EFHD1: variants seen among roughly 807,000 people sequenced by gnomAD.
The protein encoded by EFHD1 is EF-hand domain family member D1.
In EFHD1, 10 loss-of-function variants were observed where a neutral mutation model predicts 17.2. The ratio of observed to expected loss-of-function variants is 0.58; its 90% CI spans 0.36 to 0.99. The LOEUF is 0.99. Among genes scored for constraint, EFHD1 ranks in the 50% least tolerant of loss-of-function variants. The pLI is 0.01. For missense variants in EFHD1, 310 were observed against 327.5 expected (o/e 0.95, Z 0.41); for synonymous variants, 153 against 142.0 (o/e 1.08, Z -0.55).
intron 2 of EFHD1, among the ~76,000 whole-genome samples, chr2:232,665,022 C>T (rs1465896849): frequency 1.3e-5 from 2 of 152,100 alleles, no homozygotes; most frequent in Non-Finnish European, 2.9e-5. Flanking sequence ...AGTGATCCCC[C>T]AACCTCAGCC....
rs1694244932 is a variant in EFHD1, at chr2:232,633,622, G to A, written c.-83G>A. 4.5e-6 allele frequency: 6 copies of A among 1,342,468 alleles called. No homozygotes were observed. In the South Asian group the frequency reaches 5.7e-5, roughly 13 times the overall value. The allele number at this position is 1,342,468 out of a possible 1,614,324, so 83.2% of individuals were successfully genotyped here. A position where few individuals can be genotyped will look rare whatever the true frequency, so the allele number is the denominator to read the frequency against. ...CCTCGGCGGAGTGTTGTAGAGCCTC[G>A]AGCCTGCGAGGAGCGCGCCGCCCGC... On this transcript the variant is annotated 5_prime_UTR_variant, in exon 1 of 4. Transcript: ENST00000264059.
chr2:232,661,346 C>G (rs1324069573), intron 1 of EFHD1, among the ~76,000 whole-genome samples: 1 of 152,080 alleles, frequency 6.6e-6, no homozygotes, highest in East Asian at 1.9e-4. Context: ...AACCAATCAT[C>G]CACTTTCTGT....
chr2:232,673,907 C>CTT (rs11409819), intron 3 of EFHD1, among the ~76,000 whole-genome samples: 136 of 119,948 alleles, frequency 1.1e-3, no homozygotes, highest in East Asian at 3.5e-3. Flanking sequence ...AAGACTTCTT[C>CTT]TTTTTTTTTT....
intron 1 of EFHD1, among the ~76,000 whole-genome samples, chr2:232,642,623 C>T (rs367704624): frequency 8.5e-5 from 13 of 152,214 alleles, no homozygotes; most frequent in African/African-American, 3.1e-4. Flanking sequence ...AATCTTATGA[C>T]TTAAGGAAAA....
intron 1 of EFHD1, among the ~76,000 whole-genome samples, chr2:232,659,320 TAGA>T (rs1179943995): frequency 6.6e-6 from 1 of 150,430 alleles, no homozygotes; most frequent in African/African-American, 2.4e-5. Flanking sequence ...GAAATAAAAA[TAGA>T]AGCACCCACC....
chr2:232,669,155 G>T (rs886973807), intron 2 of EFHD1, among the ~76,000 whole-genome samples: 2 of 152,128 alleles, frequency 1.3e-5, no homozygotes, highest in African/African-American at 4.8e-5. Context: ...TTCCACCCCT[G>T]TGTCACCATC....
rs149495334 is a variant in EFHD1 at position 232,653,705 on chromosome 2, G to A, written c.303-9097G>A. Among the ~76,000 whole-genome samples, 966 of 152,282 alleles carry A rather than the reference G, an allele frequency of 6.3e-3. 12 individuals are homozygous for A. Among genetic ancestry groups the A allele is most frequent in the African/African-American group, 0.022 (929 of 41,554 alleles). On this transcript the variant is annotated intron_variant, in intron 1 of 3. Coordinates refer to ENST00000264059, the MANE Select transcript of EFHD1 (RefSeq NM_025202.4). Reference sequence around the variant, plus strand: ...CAGCTGGGATTGAAGGGGGTGGTTGGCTCAGGATTCCTTTCTCTCCTGCCC... The same window carrying A: ...CAGCTGGGATTGAAGGGGGTGGTTGACTCAGGATTCCTTTCTCTCCTGCCC...
chr2:232,662,926 G>C lies in EFHD1; in HGVS notation c.427G>C (p.Asp143His). The C allele has an allele frequency of 6.3e-7, 1 of 1,590,672 alleles. No homozygotes were observed. Among genetic ancestry groups the C allele is most frequent in the Non-Finnish European group, 8.5e-7 (1 of 1,171,252 alleles). The stretch of plus-strand genomic sequence containing the variant: ...GATCAAGGAGGTGGATGAGGACTTC[G>C]ATGGCAAGCTCAGCTTCCGGGAGGT... ...SMIKEVDEDF[D>H]GKLSFREFLL... is the part of the protein sequence containing the mutation. Residue 143 changes from aspartate (D) to histidine (H), a missense_variant, in exon 2 of 4, where the codon GAT becomes CAT. Coordinates refer to ENST00000264059, the MANE Select transcript of EFHD1 (RefSeq NM_025202.4).
intron 1 of EFHD1, among the ~76,000 whole-genome samples, chr2:232,606,868 C>T (rs1016321583): frequency 8.0e-5 from 12 of 149,748 alleles, no homozygotes; most frequent in Non-Finnish European, 1.3e-4. Flanking sequence ...CCAGCCTGGG[C>T]GACAGAGCGA....
At chr2:232,654,090 C>G (rs1398961017) in intron 1 of EFHD1, among the ~76,000 whole-genome samples, 1 of 151,676 alleles carries the variant, frequency 6.6e-6, no homozygotes, top group Non-Finnish European at 1.5e-5. Context: ...ACCTGTAATC[C>G]CAGCTACTCG....
exon 1 of EFHD1, chr2:232,606,070 G>T (rs1438601236): frequency 2.8e-6 from 4 of 1,432,674 alleles, no homozygotes; most frequent in Non-Finnish European, 3.8e-6. Flanking sequence ...AAGTGCAGGC[G>T]GATACCCCGG....
At chr2:232,639,635 A>G (rs1465451329) in intron 1 of EFHD1, among the ~76,000 whole-genome samples, 1 of 152,136 alleles carries the variant, frequency 6.6e-6, no homozygotes, top group African/African-American at 2.4e-5. Flanking sequence ...GCATGGGGCT[A>G]TGTTCTGCAT....
At position 232,633,809 on chromosome 2, in the gene EFHD1, G is replaced by A. The variant is rs13033733; in HGVS notation, c.105G>A (p.Glu35=). 1 of 1,471,730 alleles carries A rather than the reference G, an allele frequency of 6.8e-7. No homozygotes were observed. The highest frequency in any genetic ancestry group is 2.4e-5 in the Admixed American group (1 of 40,996). The allele number at this position is 1,471,730 out of a possible 1,614,324, so 91.2% of individuals were successfully genotyped here. ...CTCCCCTCGGCGCCCCAGCCCCGGA[G>A]CCCAAGCCCGAGCCCGAGCCTCCCG... The part of the protein sequence containing the change: ...QLAPLGAPAP[E]PKPEPEPPAR... Residue 35 remains glutamate (E), a synonymous_variant, in exon 1 of 4, where the codon GAG becomes GAA. Coordinates refer to ENST00000264059, the MANE Select transcript of EFHD1 (RefSeq NM_025202.4).
At chr2:232,608,379 G>A (rs1262015806) in intron 1 of EFHD1, among the ~76,000 whole-genome samples, 26 of 151,944 alleles carry the variant, frequency 1.7e-4, no homozygotes, top group Admixed American at 1.6e-3. Context: ...ATAAATAAAT[G>A]AATTGGTGTA....
intron 3 of EFHD1, among the ~76,000 whole-genome samples, chr2:232,675,105 G>A (rs1315129726): frequency 6.6e-6 from 1 of 151,752 alleles, no homozygotes; most frequent in Non-Finnish European, 1.5e-5. Context: ...GAACCCGGGA[G>A]GCGGAGGCTG....
chr2:232,677,499 T>G (rs544414016), intron 3 of EFHD1, among the ~76,000 whole-genome samples: 1 of 151,556 alleles, frequency 6.6e-6, no homozygotes, highest in African/African-American at 2.4e-5. Context: ...GTGGGAGGAT[T>G]GCTTAAGCCC....
rs772280133 is a variant in EFHD1 at position 232,633,852 on chromosome 2, A to G, written c.148A>G (p.Ser50Gly). 37 of 1,502,356 alleles carry G rather than the reference A, an allele frequency of 2.5e-5. No homozygotes were observed. Among genetic ancestry groups the G allele is most frequent in the Non-Finnish European group, 2.8e-5 (32 of 1,134,412 alleles). 93.1% of individuals were successfully genotyped at this position (1,502,356 alleles called of 1,614,324 possible). ...PEPPARAPTA[S>G]ADAELSAQLS... The stretch of plus-strand genomic sequence containing the variant: ...GCCTCCCGCCCGTGCGCCCACGGCC[A>G]GCGCCGACGCGGAGCTGAGCGCCCA... Residue 50 changes from serine (S) to glycine (G), a missense_variant, in exon 1 of 4, where the codon AGC becomes GGC. Ser to Gly is a moderately conservative substitution (Grantham distance 56). Coordinates refer to ENST00000264059, the MANE Select transcript of EFHD1 (RefSeq NM_025202.4).
At chr2:232,619,942 T>C (rs1424470368) in intron 1 of EFHD1, among the ~76,000 whole-genome samples, 1 of 151,980 alleles carries the variant, frequency 6.6e-6, no homozygotes, top group Non-Finnish European at 1.5e-5. Context: ...AACAAAAGAA[T>C]GCACAGGCTC....
chr2:232,659,603 C>G (rs1694820507), intron 1 of EFHD1, among the ~76,000 whole-genome samples: 1 of 152,174 alleles, frequency 6.6e-6, no homozygotes, highest in Non-Finnish European at 1.5e-5. Context: ...TAGGTGCCCA[C>G]AGGCTACATT....
Sources: gnomAD v4.1 joint callset for allele counts (sites outside exome capture counted in the v4.1 genomes callset) on GRCh38, gnomAD v4.1.1 for gene constraint, MANE v1.5 for transcripts, NCBI Gene and HGNC (gene_info 2026-07-23, HGNC 2026-07-21) for gene names.